ROBO2: variants seen among roughly 807,000 people sequenced by gnomAD.
The protein encoded by ROBO2 is roundabout guidance receptor 2, also known as roundabout homolog 2.
ROBO2 carries 53 observed loss-of-function variants against 160.8 expected under a neutral mutation model. That is an observed-to-expected ratio of 0.33 (90% confidence interval 0.26 to 0.41). The LOEUF is 0.41. Among genes scored for constraint, ROBO2 ranks in the 10% least tolerant of loss-of-function variants. The pLI is 1.00. For missense variants in ROBO2, 1,577 were observed against 1,722.4 expected (o/e 0.92, Z 1.49); for synonymous variants, 664 against 611.7 (o/e 1.09, Z -1.26).
chr3:76,445,465 G>C (rs183403701), intron 2 of ROBO2, among the ~76,000 whole-genome samples: 1 of 152,090 alleles, frequency 6.6e-6, no homozygotes, highest in Admixed American at 6.6e-5. Context: ...AATATTCTCC[G>C]TGGAGCTGGT....
At chr3:76,076,897 T>G (rs2068661427) in intron 2 of ROBO2, among the ~76,000 whole-genome samples, 1 of 152,220 alleles carries the variant, frequency 6.6e-6, no homozygotes, top group South Asian at 2.1e-4. Context: ...CTAGCCCTGG[T>G]AAATTATAAC....
intron 2 of ROBO2, among the ~76,000 whole-genome samples, chr3:75,962,448 C>T (rs760148583): frequency 9.2e-5 from 14 of 151,820 alleles, no homozygotes; most frequent in African/African-American, 1.9e-4. Flanking sequence ...ACGTGTTTAA[C>T]TTTGGATAAT....
chr3:76,222,259 G>T (rs1385669689), intron 2 of ROBO2, among the ~76,000 whole-genome samples: 2 of 152,162 alleles, frequency 1.3e-5, no homozygotes, highest in African/African-American at 4.8e-5. Flanking sequence ...GAAAGAATCT[G>T]ACTGAGAGGC....
At chr3:76,159,145 T>G (rs2072522054) in intron 2 of ROBO2, among the ~76,000 whole-genome samples, 1 of 152,148 alleles carries the variant, frequency 6.6e-6, no homozygotes, top group Non-Finnish European at 1.5e-5. Flanking sequence ...TATAACCAAT[T>G]AACTTACTAA....
intron 2 of ROBO2, among the ~76,000 whole-genome samples, chr3:76,173,079 C>T (rs1018340791): frequency 6.6e-6 from 1 of 151,314 alleles, no homozygotes; most frequent in Admixed American, 6.6e-5. Flanking sequence ...AGGTGATGGG[C>T]ATTACAGTAG....
chr3:76,151,296 C>T (rs1476343725), intron 2 of ROBO2, among the ~76,000 whole-genome samples: 4 of 152,144 alleles, frequency 2.6e-5, no homozygotes, highest in African/African-American at 4.8e-5. Flanking sequence ...TTCCCCACCT[C>T]TCTCTTCCTG....
At chr3:76,872,264 A>T (rs1372991666) in intron 2 of ROBO2, among the ~76,000 whole-genome samples, 2 of 152,180 alleles carry the variant, frequency 1.3e-5, no homozygotes, top group African/African-American at 4.8e-5. Context: ...TAAAAATATG[A>T]CTGAAATAAA....
chr3:76,848,897 G>T (rs1577025454), intron 2 of ROBO2, among the ~76,000 whole-genome samples: 2 of 152,170 alleles, frequency 1.3e-5, no homozygotes, highest in African/African-American at 4.8e-5. Context: ...TTTATTAGAA[G>T]CATGCTATGT....
chr3:76,136,305 G>A (rs1158135598), intron 2 of ROBO2, among the ~76,000 whole-genome samples: 1 of 151,786 alleles, frequency 6.6e-6, no homozygotes, highest in Non-Finnish European at 1.5e-5. Flanking sequence ...TTCTGATAAA[G>A]CTCCCTCCTG....
At chr3:76,261,884 A>C (rs1350285234) in intron 2 of ROBO2, among the ~76,000 whole-genome samples, 1 of 152,164 alleles carries the variant, frequency 6.6e-6, no homozygotes, top group Non-Finnish European at 1.5e-5. Context: ...AATGATATGA[A>C]AGTATTTTAT....
intron 1 of ROBO2, among the ~76,000 whole-genome samples, chr3:75,914,365 T>A (rs1263816245): frequency 6.6e-6 from 1 of 152,228 alleles, no homozygotes; most frequent in Non-Finnish European, 1.5e-5. Context: ...ACAAAGCTGC[T>A]ATAATCATTT....
intron 9 of ROBO2, among the ~76,000 whole-genome samples, chr3:77,560,639 T>A (rs1384462576): frequency 6.6e-6 from 1 of 152,118 alleles, no homozygotes; most frequent in African/African-American, 2.4e-5. Flanking sequence ...ATGAATACTG[T>A]GTTCTTCTAG....
chr3:76,330,883 A>G (rs1379620103), intron 2 of ROBO2, among the ~76,000 whole-genome samples: 2 of 152,234 alleles, frequency 1.3e-5, no homozygotes, highest in Non-Finnish European at 2.9e-5. Context: ...CGTCTGATTG[A>G]TGGTTTACTA....
intron 2 of ROBO2, among the ~76,000 whole-genome samples, chr3:76,388,461 C>T (rs1208268952): frequency 2.6e-5 from 4 of 151,960 alleles, no homozygotes; most frequent in African/African-American, 7.2e-5. Flanking sequence ...TTAGTAGAGA[C>T]GGGGTTCCAC....
chr3:75,963,384 A>T (rs1164797151), intron 2 of ROBO2, among the ~76,000 whole-genome samples: 2 of 151,720 alleles, frequency 1.3e-5, no homozygotes, highest in Non-Finnish European at 2.9e-5. Context: ...ATGTGTAGAC[A>T]TTAGCTTTCA....
chr3:77,480,469 G>A (rs952624795), intron 3 of ROBO2, among the ~76,000 whole-genome samples: 3 of 152,104 alleles, frequency 2.0e-5, no homozygotes, highest in Admixed American at 6.6e-5. Context: ...CCTATTAGAT[G>A]CTAATGGTTT....
At chr3:76,661,367 A>G (rs2091811625) in intron 2 of ROBO2, among the ~76,000 whole-genome samples, 1 of 152,214 alleles carries the variant, frequency 6.6e-6, no homozygotes, top group Non-Finnish European at 1.5e-5. Context: ...ACCAAAAAGT[A>G]TCTGAGATAA....
At chr3:77,623,571 C>T (rs1165006910) in intron 23 of ROBO2, among the ~76,000 whole-genome samples, 1 of 152,076 alleles carries the variant, frequency 6.6e-6, no homozygotes, top group African/African-American at 2.4e-5. Flanking sequence ...TCTTCTTATC[C>T]AGGGGCTGGT....
At chr3:76,649,941 A>C in intron 2 of ROBO2, among the ~76,000 whole-genome samples, 1 of 152,152 alleles carries the variant, frequency 6.6e-6, no homozygotes, top group Non-Finnish European at 1.5e-5. Context: ...TGTTATTATT[A>C]CCTTTTGAAG....
Sources: allele counts gnomAD v4.1 joint callset (sites outside exome capture counted in the v4.1 genomes callset), GRCh38; gene constraint gnomAD v4.1.1; transcripts MANE v1.5; gene names NCBI Gene and HGNC (gene_info 2026-07-23, HGNC 2026-07-21).